The following FHIP2A variants were observed in gnomAD, a reference collection of about 807,000 sequenced individuals.
The protein encoded by FHIP2A is family with sequence similarity 160 member B1.
Under a neutral mutation model 93.5 loss-of-function variants are expected in FHIP2A, and 46 were observed. The observed-to-expected ratio is 0.49, with a 90% CI of 0.39 to 0.63. The LOEUF is 0.63. Among genes scored for constraint, FHIP2A ranks in the 20% least tolerant of loss-of-function variants. The pLI is 0.00. For synonymous variants in FHIP2A, 332 were observed against 326.5 expected, an observed-to-expected ratio of 1.02 and a Z score of -0.18; for missense variants, 769 against 909.7, an observed-to-expected ratio of 0.85 and a Z score of 1.99.
chr10:114,840,297 A>G (rs1164818711), intron 5 of FHIP2A, among the ~76,000 whole-genome samples: 1 of 152,222 alleles, frequency 6.6e-6, no homozygotes, highest in Non-Finnish European at 1.5e-5. Flanking sequence ...ATGAAGATGT[A>G]AAAGTTTGTG....
rs138122776 is a variant in FHIP2A at position 114,824,824 on chromosome 10, C to T, written c.45+2701C>T. On this transcript the variant is annotated intron_variant, in intron 1 of 16. Coordinates refer to ENST00000369248, the MANE Select transcript of FHIP2A (RefSeq NM_020940.4). ...CATGTGTACGTCCAATTAGCATTTC[C>T]TGATGCAGTATTCCAATTAACATAG... Among the ~76,000 whole-genome samples, 431 of 152,240 alleles carry T rather than the reference C, an allele frequency of 2.8e-3. 1 individual carries two copies. Among genetic ancestry groups the T allele is most frequent in the African/African-American group, 9.3e-3 (387 of 41,524 alleles).
rs1372366282 is a variant in FHIP2A at position 114,862,290 on chromosome 10, C to G, written c.*750C>G. 1.3e-5 allele frequency: 13 copies of G among 987,160 alleles called. No individual in the cohort carries two copies. In the African/African-American group the frequency reaches 2.3e-4, roughly 17 times the overall value. 61.2% of individuals were successfully genotyped at this position (987,160 alleles called of 1,614,324 possible). On this transcript the variant is annotated 3_prime_UTR_variant, in exon 17 of 17. Transcript: ENST00000369248. Reference sequence around the variant, plus strand: ...TCGCAGCAGTGTTCAATTTGCTCACCATTGGTAGTGTTTGCTAAAATTGTA... The same window carrying G: ...TCGCAGCAGTGTTCAATTTGCTCACGATTGGTAGTGTTTGCTAAAATTGTA...
intron 4 of FHIP2A, among the ~76,000 whole-genome samples, 156 bp downstream of exon 4, chr10:114,835,797 A>T (rs1027153557): frequency 1.3e-5 from 2 of 152,206 alleles, no homozygotes; most frequent in Non-Finnish European, 2.9e-5. Context: ...ATCACATAGC[A>T]TTAAGTGTAT....
chr10:114,830,018 T>C (rs2083598825), intron 1 of FHIP2A, among the ~76,000 whole-genome samples: 1 of 152,130 alleles, frequency 6.6e-6, no homozygotes, highest in Non-Finnish European at 1.5e-5. Flanking sequence ...CACTGCCTAA[T>C]CCAAGCTTAA....
At chr10:114,883,494 A>G (rs1401591052) in intron 16 of FHIP2A, among the ~76,000 whole-genome samples, 1 of 152,198 alleles carries the variant, frequency 6.6e-6, no homozygotes, top group Non-Finnish European at 1.5e-5. Context: ...TTAAAAAGAT[A>G]AGGCATCTAA....
intron 1 of FHIP2A, among the ~76,000 whole-genome samples, chr10:114,826,310 A>G (rs2083575752): frequency 6.6e-6 from 1 of 152,366 alleles, no homozygotes; most frequent in South Asian, 2.1e-4. Context: ...TCTAGCCCAT[A>G]GAGCCAGACA....
At chr10:114,839,891 A>G (rs2083658908) in intron 5 of FHIP2A, among the ~76,000 whole-genome samples, 1 of 151,780 alleles carries the variant, frequency 6.6e-6, no homozygotes, top group Non-Finnish European at 1.5e-5. Flanking sequence ...CAAAAAAAAA[A>G]AAAAAAAAAA....
chr10:114,832,187 G>A (rs1223196495), intron 2 of FHIP2A, among the ~76,000 whole-genome samples: 1 of 152,096 alleles, frequency 6.6e-6, no homozygotes, highest in African/African-American at 2.4e-5. Flanking sequence ...AAAACCATGG[G>A]ATGTTTGAGT....
chr10:114,866,923 C>CA (rs2083831907), downstream of FHIP2A, among the ~76,000 whole-genome samples: 1 of 152,078 alleles, frequency 6.6e-6, no homozygotes, highest in African/African-American at 2.4e-5. Flanking sequence ...ATAACCAGAA[C>CA]AGACGCCGGG....
intron 7 of FHIP2A, among the ~76,000 whole-genome samples, chr10:114,844,951 A>ATT (rs5788084): frequency 1.2e-4 from 17 of 141,082 alleles, no homozygotes; most frequent in African/African-American, 3.2e-4. Flanking sequence ...TGCCCAGCTA[A>ATT]TTTTTTTTTT....
intron 1 of FHIP2A, among the ~76,000 whole-genome samples, chr10:114,830,006 T>G (rs148405489): frequency 1.6e-4 from 24 of 152,318 alleles, no homozygotes; most frequent in African/African-American, 5.3e-4. Context: ...GCTAAAAATA[T>G]GCACTGCCTA....
Position 114,863,488 on chromosome 10 carries a change from A to G in FHIP2A, c.*1948A>G, listed in dbSNP as rs1296391435. On this transcript the variant is annotated 3_prime_UTR_variant, in exon 17 of 17. Coordinates refer to ENST00000369248, the MANE Select transcript of FHIP2A (RefSeq NM_020940.4). ...AACTAGTCCATGAAACCAAGCTCAG[A>G]AAAGCTTTAACTCTTATATTTGTGT... is the stretch of plus-strand genomic sequence containing the variant. 6 of 1,120,616 alleles carry G rather than the reference A, an allele frequency of 5.4e-6. No homozygotes were observed. In the African/African-American group the frequency reaches 8.3e-5, roughly 16 times the overall value. The allele number at this position is 1,120,616 out of a possible 1,614,324, so 69.4% of individuals were successfully genotyped here. A position where few individuals can be genotyped will look rare whatever the true frequency, so the allele number is the denominator to read the frequency against.
intron 13 of FHIP2A, among the ~76,000 whole-genome samples, chr10:114,853,552 T>G (rs984456489): frequency 2.0e-5 from 3 of 152,262 alleles, no homozygotes; most frequent in Admixed American, 1.3e-4. Context: ...GATTGGATTT[T>G]TAAACTGCTT....
At chr10:114,883,538 T>A (rs565650838) in intron 16 of FHIP2A, among the ~76,000 whole-genome samples, 1 of 152,316 alleles carries the variant, frequency 6.6e-6, no homozygotes, top group East Asian at 1.9e-4. Flanking sequence ...AATGCAATAT[T>A]CTATCCAAGC....
At chr10:114,835,273 A>G (rs1299869289) in intron 3 of FHIP2A, among the ~76,000 whole-genome samples, 2 of 152,198 alleles carry the variant, frequency 1.3e-5, no homozygotes, top group Non-Finnish European at 2.9e-5. Flanking sequence ...ACAACATATT[A>G]TTACCGTGCT....
intron 13 of FHIP2A, among the ~76,000 whole-genome samples, chr10:114,851,343 T>C (rs1404475817): frequency 6.6e-6 from 1 of 152,230 alleles, no homozygotes; most frequent in Admixed American, 6.5e-5. Flanking sequence ...AAGAGTTTCA[T>C]AGTTTTAGTT....
rs145145114 is a variant in FHIP2A, at chr10:114,832,408, G to A, written c.125-825G>A. Among the ~76,000 whole-genome samples, 25 of 152,238 alleles carry A rather than the reference G, an allele frequency of 1.6e-4. 1 individual carries two copies. In the East Asian group the frequency reaches 4.6e-3, roughly 28 times the overall value. ...AGAAAATGAATTAAGGACATTAAGT[G>A]ACAGATTTCCCAATCCTACAAAGTA... On this transcript the variant is annotated intron_variant, in intron 2 of 16. Coordinates refer to ENST00000369248, the MANE Select transcript of FHIP2A (RefSeq NM_020940.4).
At position 114,857,124 on chromosome 10, in the gene FHIP2A, C is replaced by CA. The variant is rs751256175; in HGVS notation, c.1947+1794dup. 6.6e-3 allele frequency among the ~76,000 whole-genome samples: 950 copies of CA among 144,526 alleles called. 8 individuals are homozygous for CA. The highest frequency in any genetic ancestry group is 0.023 in the African/African-American group (902 of 39,586). 94.8% of individuals were successfully genotyped at this position (144,526 alleles called of 152,430 possible). ...CTCTAAAACAAAATTAAAACACAAA[C>CA]AAAAAAAAAACCCTTGATTTTCAAA... On this transcript the variant is annotated intron_variant, in intron 14 of 16. Coordinates refer to ENST00000369248, the MANE Select transcript of FHIP2A (RefSeq NM_020940.4).
Position 114,862,301 on chromosome 10 carries a change from T to C in FHIP2A, c.*761T>C. The C allele has an allele frequency of 2.0e-6, 2 of 987,492 alleles. No homozygotes were observed. The highest frequency in any genetic ancestry group is 2.4e-6 in the Non-Finnish European group (2 of 830,106). 61.2% of individuals were successfully genotyped at this position (987,492 alleles called of 1,614,324 possible). A position where few individuals can be genotyped will look rare whatever the true frequency, so the allele number is the denominator to read the frequency against. On this transcript the variant is annotated 3_prime_UTR_variant, in exon 17 of 17. Transcript: ENST00000369248. ...TTCAATTTGCTCACCATTGGTAGTG[T>C]TTGCTAAAATTGTATTTTTTTAAGC...
Sources: gnomAD v4.1 joint callset for allele counts (sites outside exome capture counted in the v4.1 genomes callset) on GRCh38, gnomAD v4.1.1 for gene constraint, MANE v1.5 for transcripts, NCBI Gene and HGNC (gene_info 2026-07-23, HGNC 2026-07-21) for gene names.